Variants in SAMD14 observed in about 807,000 individuals in gnomAD.
SAMD14 encodes the protein sterile alpha motif domain-containing protein 14.
SAMD14 carries 27 observed loss-of-function variants against 46.2 expected under a neutral mutation model. The ratio of observed to expected loss-of-function variants is 0.58; its 90% CI spans 0.43 to 0.81. The LOEUF is 0.81. Ranked by LOEUF, SAMD14 falls within the 30% of genes least tolerant of loss-of-function variation. The probability of loss-of-function intolerance (pLI) is 0.00; values close to 1 mark genes in which losing one functional copy is unlikely to be tolerated. For synonymous variants in SAMD14, 241 were observed against 254.3 expected (o/e 0.95, Z 0.50); for missense variants, 559 against 582.2 (o/e 0.96, Z 0.41).
chr17:50,124,000 G>A, intron 2 of SAMD14: 1 of 442,644 alleles, frequency 2.3e-6, no homozygotes, highest in Non-Finnish European at 4.6e-6. Context: ...GGCATGACCA[G>A]GGGAGAGAGG....
intron 9 of SAMD14, chr17:50,113,685 G>A: frequency 1.8e-6 from 1 of 551,726 alleles, no homozygotes; most frequent in Non-Finnish European, 3.3e-6. Flanking sequence ...GAGCTTGAAG[G>A]TCACACTGAA....
At position 50,117,632 on chromosome 17, in the gene SAMD14, A is replaced by G; in HGVS notation, c.274T>C (p.Ser92Pro). ...AGGCAGAAAGAGCCCCCGGCCGGGG[A>G]CCCCGGGCCTGAGTGCAAAGGCGAG... Reference protein sequence around the residue: ...LRSPLHSGPGSPAGGSFCLDP... With the variant: ...LRSPLHSGPGPPAGGSFCLDP... Residue 92 changes from serine (S) to proline (P), a missense_variant, in exon 4 of 10, where the codon TCC becomes CCC. By Grantham distance (74) the Ser-to-Pro change is moderately conservative. Coordinates refer to ENST00000330175, the MANE Select transcript of SAMD14 (RefSeq NM_001257359.2). 6.4e-7 allele frequency: 1 copy of G among 1,557,852 alleles called. No homozygotes were observed. The highest frequency in any genetic ancestry group is 1.2e-5 in the South Asian group (1 of 85,308).
chr17:50,113,791 T>C (rs1037788659), intron 9 of SAMD14, 133 bp downstream of exon 9: 1 of 1,007,840 alleles, frequency 9.9e-7, no homozygotes. Context: ...GTCAGGGTGG[T>C]GGCCACAGAT....
chr17:50,113,195 GC>G (rs1487764226), intron 9 of SAMD14, 147 bp from the exon 10 acceptor site: 1 of 866,076 alleles, frequency 1.2e-6, no homozygotes, highest in African/African-American at 1.7e-5. Context: ...ACCGTGACCT[GC>G]CCATGGATCA....
At chr17:50,118,017 C>T in intron 3 of SAMD14, 144 bp downstream of exon 3, 1 of 880,306 alleles carries the variant, frequency 1.1e-6, no homozygotes, top group Non-Finnish European at 1.7e-6. Flanking sequence ...CAGAAGTGAA[C>T]TGCAGCTAAC....
rs148977155 is a variant in SAMD14 at position 50,122,533 on chromosome 17, C to T, written c.43+2384G>A. On this transcript the variant is annotated intron_variant, in intron 2 of 9. Coordinates refer to ENST00000330175, the MANE Select transcript of SAMD14 (RefSeq NM_001257359.2). ...GTTTATTTGTGTGTGCTTTGATCATCTGTCCCCCTACTTGCCCCTGCACGA... is the reference window on the plus strand; with the variant it reads ...GTTTATTTGTGTGTGCTTTGATCATTTGTCCCCCTACTTGCCCCTGCACGA... 2.4e-4 allele frequency among the ~76,000 whole-genome samples: 36 copies of T among 152,318 alleles called. No individual in the cohort carries two copies. The East Asian group carries it at 6.7e-3, about 29-fold the overall frequency.
intron 9 of SAMD14, chr17:50,113,591 A>G: frequency 2.9e-6 from 1 of 342,818 alleles, no homozygotes; most frequent in East Asian, 6.8e-5. Flanking sequence ...GACCAGGGGG[A>G]GATGTGGCTT....
chr17:50,118,102 G>T (rs1911326288), intron 3 of SAMD14, 59 bp downstream of exon 3: 1 of 1,502,698 alleles, frequency 6.7e-7, no homozygotes, highest in Non-Finnish European at 9.0e-7. Context: ...GATTATCCAG[G>T]GGTGGGAGGA....
intron 9 of SAMD14, 97 bp from the exon 10 acceptor site, chr17:50,113,145 A>G (rs1910958303): frequency 7.0e-7 from 1 of 1,428,686 alleles, no homozygotes; most frequent in Non-Finnish European, 9.4e-7. Context: ...TACTCTGTGG[A>G]GCTCCAAATC....
rs373408571 is a variant in SAMD14, at chr17:50,112,943, G to A, written c.1204C>T (p.Arg402Trp). The A allele has an allele frequency of 1.1e-5, 17 of 1,609,542 alleles. No homozygotes were observed. Among genetic ancestry groups the A allele is most frequent in the East Asian group, 4.5e-5 (2 of 44,884 alleles). Reference protein sequence around the residue: ...KERKAQEKAARQREKLRRREQ... With the variant: ...KERKAQEKAAWQREKLRRREQ... ...CGGCGCCGGAGCTTCTCCCGCTGCC[G>A]CGCAGCCTTCTCCTGGGCCTTGCGC... Residue 402 changes from arginine to tryptophan, a missense_variant, in exon 10 of 10, where the codon CGG (arginine) becomes TGG (tryptophan). Physicochemically the swap from Arg to Trp is moderately radical, Grantham distance 101. Transcript: ENST00000330175.
chr17:50,114,423 A>G, intron 7 of SAMD14, 117 bp from the exon 8 acceptor site: 3 of 1,613,682 alleles, frequency 1.9e-6, no homozygotes, highest in Non-Finnish European at 2.5e-6. Flanking sequence ...CCTCCTGTGC[A>G]TGAGCCAGGA....
intron 2 of SAMD14, among the ~76,000 whole-genome samples, 140 bp downstream of exon 2, chr17:50,124,759 GCACGCGCGCGCGCACACA>G (rs1911668151): frequency 3.2e-5 from 2 of 63,100 alleles, no homozygotes; most frequent in African/African-American, 7.5e-5. Context: ...CTGCACGCGT[GCACGCGCGCGCGCACACA>G]CACACACACA....
Position 50,113,989 on chromosome 17 carries a change from C to A in SAMD14, c.1033G>T (p.Ala345Ser). 1 of 1,613,732 alleles carries A rather than the reference C, an allele frequency of 6.2e-7. No homozygotes were observed. Residue 345 changes from alanine (A) to serine (S), a missense_variant, in exon 9 of 10, where the codon GCT (alanine) becomes TCT (serine). Ala to Ser is a moderately conservative substitution (Grantham distance 99). Transcript: ENST00000330175. ...TCTACCTGCCGTGCAGCAAACTCAG[C>A]AGCATACTGTTCCAGGTTGAGGCTC... Reference protein sequence around the residue: ...LQSLNLEQYAAEFAARQVDGP... With the variant: ...LQSLNLEQYASEFAARQVDGP...
intron 2 of SAMD14, 82 bp downstream of exon 2, chr17:50,124,835 C>T: frequency 1.5e-6 from 2 of 1,377,046 alleles, no homozygotes; most frequent in Admixed American, 1.7e-5. Context: ...AGCACCCTAT[C>T]CCCTTCAATG....
At chr17:50,124,259 G>A (rs1911641287) in intron 2 of SAMD14, 1 of 446,904 alleles carries the variant, frequency 2.2e-6, no homozygotes, top group East Asian at 7.0e-5. Context: ...TGATGGTACC[G>A]TGGTGTGTGC....
In SAMD14 at chr17:50,113,154, T is replaced by C; in HGVS notation, c.1099-106A>G. The C allele has an allele frequency of 2.2e-6, 3 of 1,359,384 alleles. No individual in the cohort carries two copies. The South Asian group carries it at 4.2e-5, about 19-fold the overall frequency. The allele number at this position is 1,359,384 out of a possible 1,614,324, so 84.2% of individuals were successfully genotyped here. A position where few individuals can be genotyped will look rare whatever the true frequency, so the allele number is the denominator to read the frequency against. On this transcript the variant is annotated intron_variant, in intron 9 of 9. Coordinates refer to ENST00000330175, the MANE Select transcript of SAMD14 (RefSeq NM_001257359.2). ...CAGGTGTACTCTGTGGAGCTCCAAATCCTCCCTGGAGTGGAGCCTCCGCCT... is the reference window on the plus strand; with the variant it reads ...CAGGTGTACTCTGTGGAGCTCCAAACCCTCCCTGGAGTGGAGCCTCCGCCT...
rs199851498 is a variant in SAMD14 at position 50,115,979 on chromosome 17, C to A, written c.587+24G>T. ...CTTACCCCAGCAGCTCCAAGCCCTG[C>A]GATCTAGCCCCGCCTCCACTCACCC... On this transcript the variant is annotated intron_variant, in intron 5 of 9. Coordinates refer to ENST00000330175, the MANE Select transcript of SAMD14 (RefSeq NM_001257359.2). The surrounding 1 kb of genome is among the most constrained non-coding windows in gnomAD (Gnocchi z 5.3). 9.9e-5 allele frequency: 160 copies of A among 1,613,568 alleles called. No homozygotes were observed. The African/African-American group carries it at 1.9e-3, about 19-fold the overall frequency.
rs373714933 is a variant in SAMD14 at position 50,124,974 on chromosome 17, G to A, written c.-12-3C>T. On this transcript the variant is annotated splice_polypyrimidine_tract_variant and splice_region_variant and intron_variant, in intron 1 of 9. Coordinates refer to ENST00000330175, the MANE Select transcript of SAMD14 (RefSeq NM_001257359.2). ...GAAGAAGCCATGACTCAAGAGAGCT[G>A]GGAAGGACAAGAGGGGAGAGAAAGA... 7 of 1,613,730 alleles carry A rather than the reference G, an allele frequency of 4.3e-6. No individual in the cohort carries two copies. The African/African-American group carries it at 9.3e-5, about 22-fold the overall frequency.
At chr17:50,126,870 C>G (rs933270586) in intron 1 of SAMD14, among the ~76,000 whole-genome samples, 4 of 151,508 alleles carry the variant, frequency 2.6e-5, no homozygotes, top group African/African-American at 4.8e-5. Context: ...GAGGCCGAGG[C>G]GGGCAGATCA....
Sources: allele counts gnomAD v4.1 joint callset (sites outside exome capture counted in the v4.1 genomes callset), GRCh38; gene constraint gnomAD v4.1.1; non-coding constraint Gnocchi (gnomAD v3.1); transcripts MANE v1.5; gene names NCBI Gene and HGNC (gene_info 2026-07-23, HGNC 2026-07-21).